ENPP6: variants seen among roughly 807,000 people sequenced by gnomAD.
ENPP6 encodes glycerophosphocholine cholinephosphodiesterase ENPP6.
A neutral mutation model predicts 42.0 loss-of-function variants in ENPP6; 32 were observed. The observed-to-expected ratio is 0.76, with a 90% CI of 0.58 to 1.02. The LOEUF (loss-of-function observed/expected upper bound fraction) is 1.02, where lower values mean the gene tolerates loss of function less well. ENPP6 is among the 50% of genes least tolerant of loss of function. The pLI is 0.00. For synonymous variants in ENPP6, 213 were observed against 216.0 expected (o/e 0.99, Z 0.12); for missense variants, 552 against 566.8 (o/e 0.97, Z 0.27).
At chr4:184,114,326 T>G (rs546591217) in intron 5 of ENPP6, among the ~76,000 whole-genome samples, 2 of 152,318 alleles carry the variant, frequency 1.3e-5, no homozygotes, top group African/African-American at 4.8e-5. Flanking sequence ...TAAAATCGAC[T>G]GACTGATATT....
intron 6 of ENPP6, 26 bp from the exon 7 acceptor site, chr4:184,097,394 G>T: frequency 1.2e-6 from 2 of 1,613,232 alleles, no homozygotes; most frequent in South Asian, 1.1e-5. Context: ...GCAGACACAT[G>T]ACACTACGTC....
chr4:184,175,059 A>G (rs919793733), intron 1 of ENPP6, among the ~76,000 whole-genome samples: 1 of 152,170 alleles, frequency 6.6e-6, no homozygotes, highest in African/African-American at 2.4e-5. Flanking sequence ...ACCCCACTCG[A>G]TGTAGTATCC....
At chr4:184,178,472 C>T (rs916785464) in intron 1 of ENPP6, among the ~76,000 whole-genome samples, 19 of 152,278 alleles carry the variant, frequency 1.2e-4, no homozygotes, top group Middle Eastern at 3.4e-3. Context: ...AGGAAAACTT[C>T]CCCAACCTAG....
At chr4:184,173,775 G>T (rs2111094680) in intron 1 of ENPP6, among the ~76,000 whole-genome samples, 1 of 152,288 alleles carries the variant, frequency 6.6e-6, no homozygotes, top group Admixed American at 6.5e-5. Flanking sequence ...GCACAGGTTA[G>T]GTACGGAGAA....
intron 2 of ENPP6, among the ~76,000 whole-genome samples, chr4:184,134,750 T>C (rs1736704785): frequency 6.6e-6 from 1 of 151,802 alleles, no homozygotes; most frequent in African/African-American, 2.4e-5. Flanking sequence ...CTCATCATGA[T>C]TTTCTTCTTT....
chr4:184,116,811 G>T (rs1200820643), intron 5 of ENPP6, 45 bp downstream of exon 5: 2 of 1,605,250 alleles, frequency 1.2e-6, no homozygotes, highest in South Asian at 1.1e-5. Flanking sequence ...GGCAACACAC[G>T]AGGGCCCACA....
chr4:184,208,563 A>G (rs1733041926), intron 1 of ENPP6, among the ~76,000 whole-genome samples: 1 of 151,910 alleles, frequency 6.6e-6, no homozygotes, highest in South Asian at 2.1e-4. Context: ...ACGAGATTAT[A>G]ACCCGCACCT....
intron 2 of ENPP6, among the ~76,000 whole-genome samples, chr4:184,131,259 T>TCTTC (rs779153660): frequency 0.015 from 1,114 of 73,316 alleles, 49 homozygotes; most frequent in East Asian, 0.065. Context: ...TTTCTCTTTC[T>TCTTC]CTTCCTTCCT....
chr4:184,103,471 C>T (rs944532938), intron 6 of ENPP6, among the ~76,000 whole-genome samples: 3 of 152,196 alleles, frequency 2.0e-5, no homozygotes, highest in African/African-American at 4.8e-5. Flanking sequence ...AAGCCTCCCA[C>T]CTCCCTGAAA....
At chr4:184,197,044 T>C (rs980356915) in intron 1 of ENPP6, among the ~76,000 whole-genome samples, 1 of 152,260 alleles carries the variant, frequency 6.6e-6, no homozygotes, top group Non-Finnish European at 1.5e-5. Context: ...GACGTTATAA[T>C]ACATGTTGAC....
chr4:184,183,128 A>T (rs557287351), intron 1 of ENPP6, among the ~76,000 whole-genome samples: 4 of 152,356 alleles, frequency 2.6e-5, no homozygotes, highest in Admixed American at 2.6e-4. Context: ...GTGCTATGGA[A>T]ACATAGCACA....
At chr4:184,113,802 A>G (rs1366677679) in intron 5 of ENPP6, among the ~76,000 whole-genome samples, 1 of 151,914 alleles carries the variant, frequency 6.6e-6, no homozygotes, top group Non-Finnish European at 1.5e-5. Context: ...CAGCCTCCCA[A>G]AGTGCTAGGA....
chr4:184,194,947 A>G (rs1270632722), intron 1 of ENPP6, among the ~76,000 whole-genome samples: 1 of 152,182 alleles, frequency 6.6e-6, no homozygotes, highest in Non-Finnish European at 1.5e-5. Flanking sequence ...AGCAGGAAAA[A>G]GACGCCCCAC....
In ENPP6 at chr4:184,134,378, G is replaced by A. The variant is rs184795369; in HGVS notation, c.422-10106C>T. The stretch of plus-strand genomic sequence containing the variant: ...TTCACTAGTGGAGTGTCTAATACTG[G>A]GTTATTTTAGGAATGGTTTTTAAAG... On this transcript the variant is annotated intron_variant, in intron 2 of 7. Transcript: ENST00000296741. Among the ~76,000 whole-genome samples, 35 of 152,150 alleles carry A rather than the reference G, an allele frequency of 2.3e-4. No individual in the cohort carries two copies. The East Asian group carries it at 5.8e-3, about 25-fold the overall frequency.
intron 1 of ENPP6, among the ~76,000 whole-genome samples, chr4:184,183,326 C>A (rs1732584186): frequency 6.6e-6 from 1 of 152,218 alleles, no homozygotes; most frequent in African/African-American, 2.4e-5. Flanking sequence ...GCATCCTTTG[C>A]ACCGCTGATG....
At chr4:184,095,398 G>A (rs1735883159) in intron 7 of ENPP6, among the ~76,000 whole-genome samples, 1 of 151,978 alleles carries the variant, frequency 6.6e-6, no homozygotes, top group African/African-American at 2.4e-5. Flanking sequence ...GGTGGCTCAC[G>A]TCTGAAATTC....
intron 1 of ENPP6, among the ~76,000 whole-genome samples, chr4:184,161,270 C>T (rs990673486): frequency 2.0e-5 from 3 of 152,078 alleles, no homozygotes; most frequent in Non-Finnish European, 4.4e-5. Flanking sequence ...ATACAAATGA[C>T]CAGCAAACAC....
intron 2 of ENPP6, among the ~76,000 whole-genome samples, chr4:184,132,798 TATATAC>T (rs1192830469): frequency 7.0e-5 from 10 of 143,336 alleles, no homozygotes; most frequent in Non-Finnish European, 1.0e-4. Context: ...TACACACATA[TATATAC>T]ATATATACAT....
chr4:184,117,652 T>C (rs1333718887), intron 4 of ENPP6, 107 bp downstream of exon 4: 4 of 1,516,198 alleles, frequency 2.6e-6, no homozygotes, highest in East Asian at 4.6e-5. Context: ...GCTGGCCCAA[T>C]TGGCCTTTAG....
Sources: gnomAD v4.1 joint callset for allele counts (sites outside exome capture counted in the v4.1 genomes callset) on GRCh38, gnomAD v4.1.1 for gene constraint, MANE v1.5 for transcripts, NCBI Gene and HGNC (gene_info 2026-07-23, HGNC 2026-07-21) for gene names.